Variants in LRGUK observed in about 807,000 individuals in gnomAD.
LRGUK encodes leucine-rich repeat and guanylate kinase domain-containing protein.
LRGUK carries 65 observed loss-of-function variants against 76.0 expected under a neutral mutation model. The ratio of observed to expected loss-of-function variants is 0.85; its 90% CI spans 0.70 to 1.05. The LOEUF is 1.05. Ranked by LOEUF, LRGUK falls within the 50% of genes least tolerant of loss-of-function variation. The pLI, the probability that LRGUK is intolerant of heterozygous loss-of-function variation, is 0.00. For missense variants in LRGUK, 758 were observed against 732.8 expected (o/e 1.03, Z -0.40); for synonymous variants, 268 against 265.6 (o/e 1.01, Z -0.09).
In LRGUK at chr7:134,205,591, T is replaced by C. The variant is rs1209317701; in HGVS notation, c.1844-3116T>C. ...TGAATTTTTTAAAAAATAATTGAGC[T>C]GTCAAAAGGAAGAAATTGAAATAAA... On this transcript the variant is annotated intron_variant, in intron 15 of 15. Transcript: ENST00000645682. 3.9e-5 allele frequency among the ~76,000 whole-genome samples: 6 copies of C among 152,326 alleles called. No homozygotes were observed. In the East Asian group the frequency reaches 1.2e-3, roughly 29 times the overall value.
chr7:134,271,315 A>T, the LRGUK span, among the ~76,000 whole-genome samples: 1 of 151,778 alleles, frequency 6.6e-6, no homozygotes, highest in African/African-American at 2.4e-5. Flanking sequence ...TATATGGCCA[A>T]CTTTGTCAAT....
intron 18 of LRGUK, among the ~76,000 whole-genome samples, chr7:134,250,389 G>A (rs1738081178): frequency 6.6e-6 from 1 of 152,072 alleles, no homozygotes; most frequent in Non-Finnish European, 1.5e-5. Flanking sequence ...ATTATGGCCA[G>A]TTTTTGTTTT....
At chr7:134,135,748 T>C (rs558970981) in intron 1 of LRGUK, among the ~76,000 whole-genome samples, 7 of 152,302 alleles carry the variant, frequency 4.6e-5, no homozygotes, top group Non-Finnish European at 8.8e-5. Flanking sequence ...CTCTGCCTCC[T>C]GGGTTCACGC....
At position 134,199,407 on chromosome 7, in the gene LRGUK, A is replaced by AGGTT; in HGVS notation, c.1736_1737insTGGT (p.Ile580GlyfsTer6). ...CAGAATTTTCCGGGATATTTTGATG[A>AGGTT]GGTAATCAATGCAGGTTGGTAATTT... On this transcript the variant is annotated frameshift_variant, in exon 14 of 16. Coordinates refer to ENST00000645682, the Ensembl canonical transcript of LRGUK. LOFTEE classifies it high-confidence loss of function. 6.2e-7 allele frequency: 1 copy of AGGTT among 1,613,258 alleles called. No individual in the cohort carries two copies. The highest frequency in any genetic ancestry group is 8.5e-7 in the Non-Finnish European group (1 of 1,179,484).
Position 134,244,754 on chromosome 7 carries a change from A to G in LRGUK, c.1984-2802A>G, listed in dbSNP as rs906873268. ...TGCTGCTATAAAGACACATGCACAC[A>G]TATGTTTATTGCGGCACTATTCACA... On this transcript the variant is annotated intron_variant, in intron 16 of 19. Transcript: ENST00000285928. 3.9e-5 allele frequency among the ~76,000 whole-genome samples: 6 copies of G among 152,286 alleles called. No homozygotes were observed. In the East Asian group the frequency reaches 1.2e-3, roughly 29 times the overall value.
rs543033334 is a variant in LRGUK at position 134,196,261 on chromosome 7, T to C, written c.1432-731T>C. Among the ~76,000 whole-genome samples, 7 of 152,184 alleles carry C rather than the reference T, an allele frequency of 4.6e-5. 1 individual carries two copies. In the East Asian group the frequency reaches 9.6e-4, roughly 21 times the overall value. Reference sequence around the variant, plus strand: ...GAATATAGTATTGCCAAAGAAAAAATCACAGACAATTTTAAGAGACATCTT... The same window carrying C: ...GAATATAGTATTGCCAAAGAAAAAACCACAGACAATTTTAAGAGACATCTT... On this transcript the variant is annotated intron_variant, in intron 12 of 15. Coordinates refer to ENST00000645682, the Ensembl canonical transcript of LRGUK.
intron 16 of LRGUK, among the ~76,000 whole-genome samples, chr7:134,235,804 A>G (rs2544166): frequency 0.077 from 11,683 of 152,136 alleles, 1,093 homozygotes; most frequent in African/African-American, 0.22. Context: ...TCTCTGAGTC[A>G]TTTTCTTATC....
chr7:134,251,102 C>G (rs1014071604), intron 18 of LRGUK, among the ~76,000 whole-genome samples: 1 of 151,972 alleles, frequency 6.6e-6, no homozygotes, highest in Non-Finnish European at 1.5e-5. Flanking sequence ...TTGAGCTGTC[C>G]CCCATTCCCC....
intron 15 of LRGUK, among the ~76,000 whole-genome samples, chr7:134,204,888 G>A (rs576357346): frequency 6.6e-6 from 1 of 152,306 alleles, no homozygotes; most frequent in Non-Finnish European, 1.5e-5. Flanking sequence ...CTTAAAACAA[G>A]TGTCAGTGTG....
At chr7:134,170,867 T>C (rs763816787) in intron 7 of LRGUK, among the ~76,000 whole-genome samples, 3 of 152,198 alleles carry the variant, frequency 2.0e-5, no homozygotes, top group Non-Finnish European at 2.9e-5. Context: ...AGAAATACTT[T>C]CTGAAGTATG....
intron 7 of LRGUK, among the ~76,000 whole-genome samples, chr7:134,169,194 A>T (rs1025998502): frequency 4.6e-5 from 6 of 131,708 alleles, no homozygotes; most frequent in African/African-American, 1.1e-4. Context: ...ACACACACAC[A>T]CTGAAGGCCA....
intron 14 of LRGUK, among the ~76,000 whole-genome samples, chr7:134,199,736 A>G (rs1176838455): frequency 2.0e-5 from 3 of 151,724 alleles, no homozygotes; most frequent in Non-Finnish European, 4.4e-5. Context: ...TTAAATTTCT[A>G]GAAAGGCATA....
chr7:134,134,581 A>G (rs1759630548), intron 1 of LRGUK, among the ~76,000 whole-genome samples: 2 of 152,158 alleles, frequency 1.3e-5, no homozygotes, highest in South Asian at 4.1e-4. Context: ...CTCCATGTCA[A>G]TGGCTAAGTT....
chr7:134,222,312 C>T lies in LRGUK; in HGVS notation c.1983+394C>T, dbSNP rs543550702. 2.0e-4 allele frequency among the ~76,000 whole-genome samples: 30 copies of T among 152,326 alleles called. No individual in the cohort carries two copies. In the South Asian group the frequency reaches 6.0e-3, roughly 30 times the overall value. ...GAAAAGTGAGTCCACTCAAAGAGTC[C>T]GTGTTTTATAACTTAGCACTTCTTA... On this transcript the variant is annotated intron_variant, in intron 16 of 19. Coordinates refer to the LRGUK transcript ENST00000285928.
At chr7:134,130,369 G>A (rs1797249963) in intron 1 of LRGUK, among the ~76,000 whole-genome samples, 1 of 150,934 alleles carries the variant, frequency 6.6e-6, no homozygotes, top group Non-Finnish European at 1.5e-5. Context: ...TTGGCTATGG[G>A]GTTCATTAGC....
intron 19 of LRGUK, among the ~76,000 whole-genome samples, chr7:134,261,031 C>T (rs976422157): frequency 1.3e-5 from 2 of 152,140 alleles, no homozygotes; most frequent in Non-Finnish European, 2.9e-5. Flanking sequence ...TTTTCCTGGA[C>T]TGGGCATTTG....
At chr7:134,137,273 T>G (rs1797577780) in intron 2 of LRGUK, 143 bp downstream of exon 2, 5 of 638,680 alleles carry the variant, frequency 7.8e-6, no homozygotes, top group Admixed American at 2.8e-5. Flanking sequence ...AAGAGATATT[T>G]CTGTAAATAT....
chr7:134,234,418 G>A (rs1801970460), intron 16 of LRGUK, among the ~76,000 whole-genome samples: 1 of 152,024 alleles, frequency 6.6e-6, no homozygotes, highest in African/African-American at 2.4e-5. Context: ...AAAAGTGAAT[G>A]GACAAAGGAA....
exon 5 of LRGUK, chr7:134,148,244 G>T: frequency 6.2e-7 from 1 of 1,601,520 alleles, no homozygotes; most frequent in Non-Finnish European, 8.5e-7. Flanking sequence ...CCAGAAGGCG[G>T]ATTTTTCCCA....
Sources: gnomAD v4.1 joint callset for allele counts (sites outside exome capture counted in the v4.1 genomes callset) on GRCh38, gnomAD v4.1.1 for gene constraint, MANE v1.5 for transcripts, NCBI Gene and HGNC (gene_info 2026-07-23, HGNC 2026-07-21) for gene names.